The following ATP9A variants were observed in gnomAD, a reference collection of about 807,000 sequenced individuals.
ATP9A encodes ATPase phospholipid transporting 9A.
Under a neutral mutation model 144.1 loss-of-function variants are expected in ATP9A, and 52 were observed. That is an observed-to-expected ratio of 0.36 (90% CI 0.29 to 0.45). The LOEUF (loss-of-function observed/expected upper bound fraction) is 0.45, where lower values mean the gene tolerates loss of function less well. Among genes scored for constraint, ATP9A ranks in the 20% least tolerant of loss-of-function variants. ATP9A has a pLI of 1.00. For missense variants in ATP9A, 947 were observed against 1,392.7 expected (o/e 0.68, Z 5.09); for synonymous variants, 582 against 557.4 (o/e 1.04, Z -0.62).
chr20:51,711,260 T>C (rs1441862030), intron 4 of ATP9A, among the ~76,000 whole-genome samples: 5 of 152,224 alleles, frequency 3.3e-5, no homozygotes, highest in Admixed American at 2.6e-4. Context: ...CACGACAATG[T>C]ATTCAAATAC....
At chr20:51,624,115 C>G (rs1023881529) in intron 18 of ATP9A, among the ~76,000 whole-genome samples, 1 of 152,202 alleles carries the variant, frequency 6.6e-6, no homozygotes, top group Non-Finnish European at 1.5e-5. Context: ...GCCAGACTTC[C>G]GGAAGCAAGG....
At chr20:51,723,743 G>A (rs1282152142) in intron 3 of ATP9A, among the ~76,000 whole-genome samples, 11 of 151,738 alleles carry the variant, frequency 7.2e-5, no homozygotes, top group Admixed American at 7.2e-4. Flanking sequence ...TTTTAATAGA[G>A]ACAGGGTTTC....
chr20:51,694,812 A>G (rs995825075), intron 6 of ATP9A, among the ~76,000 whole-genome samples: 1 of 152,226 alleles, frequency 6.6e-6, no homozygotes, highest in Non-Finnish European at 1.5e-5. Context: ...CTGCCACTGC[A>G]GTTCAGTCTT....
intron 3 of ATP9A, among the ~76,000 whole-genome samples, chr20:51,715,195 T>C (rs866113084): frequency 6.6e-6 from 1 of 152,250 alleles, no homozygotes; most frequent in Admixed American, 6.5e-5. Context: ...AAATCTCTTA[T>C]GTAAATCTAT....
chr20:51,702,502 C>T (rs1306591730), intron 4 of ATP9A, among the ~76,000 whole-genome samples: 1 of 151,378 alleles, frequency 6.6e-6, no homozygotes, highest in African/African-American at 2.4e-5. Flanking sequence ...ATTTACATTC[C>T]CATATTTACT....
At chr20:51,757,652 C>T (rs2077862238) in intron 1 of ATP9A, among the ~76,000 whole-genome samples, 1 of 152,144 alleles carries the variant, frequency 6.6e-6, no homozygotes, top group African/African-American at 2.4e-5. Flanking sequence ...TGCCTGTAGT[C>T]CCAGCACTTT....
At chr20:51,727,533 C>T (rs2077720371) in intron 2 of ATP9A, among the ~76,000 whole-genome samples, 1 of 151,920 alleles carries the variant, frequency 6.6e-6, no homozygotes. Context: ...TAGTAGTGAG[C>T]CAAGATCATG....
chr20:51,601,770 G>C (rs2077144172), intron 27 of ATP9A, among the ~76,000 whole-genome samples: 1 of 152,148 alleles, frequency 6.6e-6, no homozygotes, highest in Non-Finnish European at 1.5e-5. Flanking sequence ...GCCAGGCATG[G>C]TGGTACATGC....
At chr20:51,651,225 AATT>A (rs1044165025) in intron 14 of ATP9A, among the ~76,000 whole-genome samples, 7 of 132,694 alleles carry the variant, frequency 5.3e-5, no homozygotes, top group African/African-American at 1.1e-4. Context: ...TCAATATTTA[AATT>A]ATTATTTACA....
chr20:51,632,888 C>G (rs576767320), intron 15 of ATP9A, among the ~76,000 whole-genome samples: 1 of 152,042 alleles, frequency 6.6e-6, no homozygotes, highest in Non-Finnish European at 1.5e-5. Flanking sequence ...TTTGGGGGGC[C>G]GAGGCTGGTG....
At chr20:51,637,547 G>A (rs150786624) in intron 15 of ATP9A, among the ~76,000 whole-genome samples, 1 of 152,210 alleles carries the variant, frequency 6.6e-6, no homozygotes, top group Non-Finnish European at 1.5e-5. Context: ...ACGAGATGCT[G>A]TAAGAGGTGG....
chr20:51,660,550 T>C (rs1181489302), intron 13 of ATP9A, among the ~76,000 whole-genome samples: 1 of 152,186 alleles, frequency 6.6e-6, no homozygotes, highest in Non-Finnish European at 1.5e-5. Flanking sequence ...CCACATATCT[T>C]TCTCTCTTAA....
At chr20:51,691,658 A>G (rs1022865857) in intron 7 of ATP9A, among the ~76,000 whole-genome samples, 1 of 152,250 alleles carries the variant, frequency 6.6e-6, no homozygotes. Context: ...TGGGAACGCA[A>G]GATGGTGCAG....
chr20:51,765,041 T>G (rs2122926567), intron 1 of ATP9A, among the ~76,000 whole-genome samples: 1 of 152,182 alleles, frequency 6.6e-6, no homozygotes, highest in Middle Eastern at 3.4e-3. Flanking sequence ...GAGAATTAAC[T>G]CCAAAAACTC....
chr20:51,698,852 G>A (rs2077581447), intron 4 of ATP9A, among the ~76,000 whole-genome samples: 1 of 152,216 alleles, frequency 6.6e-6, no homozygotes, highest in Non-Finnish European at 1.5e-5. Flanking sequence ...GGAACAGCGA[G>A]AGATGAAAGT....
At chr20:51,740,620 T>A in intron 1 of ATP9A, among the ~76,000 whole-genome samples, 1 of 114,802 alleles carries the variant, frequency 8.7e-6, no homozygotes, top group Non-Finnish European at 1.9e-5. Context: ...CAGGCAGGAC[T>A]GTGGTGGCAC....
intron 3 of ATP9A, among the ~76,000 whole-genome samples, chr20:51,724,747 G>A (rs1601128867): frequency 6.6e-6 from 1 of 152,302 alleles, no homozygotes; most frequent in East Asian, 1.9e-4. Flanking sequence ...CAAATCAATG[G>A]AGAAAGAAAA....
chr20:51,759,400 C>T (rs1392553022), intron 1 of ATP9A, among the ~76,000 whole-genome samples: 2 of 152,206 alleles, frequency 1.3e-5, no homozygotes, highest in African/African-American at 2.4e-5. Context: ...CGGCCGGGTG[C>T]GGTGGCTCAT....
At chr20:51,627,266 G>A (rs1385706436) in intron 17 of ATP9A, among the ~76,000 whole-genome samples, 3 of 152,102 alleles carry the variant, frequency 2.0e-5, no homozygotes, top group African/African-American at 4.8e-5. Context: ...ATGGTAGCAC[G>A]CGATGACAGT....
Sources: allele counts gnomAD v4.1 joint callset (sites outside exome capture counted in the v4.1 genomes callset), GRCh38; gene constraint gnomAD v4.1.1; transcripts MANE v1.5; gene names NCBI Gene and HGNC (gene_info 2026-07-23, HGNC 2026-07-21).